Variants in EPHA5 observed in about 807,000 individuals in gnomAD.
EPHA5 encodes ephrin type-A receptor 5.
Under a neutral mutation model 105.0 loss-of-function variants are expected in EPHA5, and 60 were observed. The observed-to-expected ratio is 0.57, with a 90% CI of 0.46 to 0.71. The LOEUF is 0.71. EPHA5 is among the 30% of genes least tolerant of loss of function. The pLI is 0.00. For missense variants in EPHA5, 1,218 were observed against 1,274.7 expected (o/e 0.96, Z 0.68); for synonymous variants, 513 against 449.1 (o/e 1.14, Z -1.80).
chr4:65,532,398 T>C (rs896241373), intron 3 of EPHA5, among the ~76,000 whole-genome samples: 40 of 151,944 alleles, frequency 2.6e-4, no homozygotes, highest in Admixed American at 2.3e-3. Context: ...TAATCTCTAG[T>C]TCAGACACAT....
Position 65,321,398 on chromosome 4 carries a change from C to T in EPHA5, c.*2716G>A, listed in dbSNP as rs929427152. The stretch of plus-strand genomic sequence containing the variant: ...CTAGAGTTGGCTCCTCTCCTTGTTC[C>T]ATTTCTCACACTTGCAGATGAGATT... On this transcript the variant is annotated 3_prime_UTR_variant, in exon 17 of 17. Transcript: ENST00000613740. 3.9e-5 allele frequency: 9 copies of T among 230,268 alleles called. No individual in the cohort carries two copies. The highest frequency in any genetic ancestry group is 7.7e-5 in the Non-Finnish European group (9 of 116,232). The allele number at this position is 230,268 out of a possible 1,614,324, so 14.3% of individuals were successfully genotyped here.
chr4:65,414,670 C>A (rs141128349), intron 6 of EPHA5, among the ~76,000 whole-genome samples: 6 of 152,062 alleles, frequency 3.9e-5, no homozygotes, highest in Non-Finnish European at 8.8e-5. Flanking sequence ...TCCACCCATC[C>A]GGAATACATG....
Position 65,601,954 on chromosome 4 carries a change from G to A in EPHA5, c.597C>T (p.Val199=), listed in dbSNP as rs2149439392. 1 of 1,614,060 alleles carries A rather than the reference G, an allele frequency of 6.2e-7. No homozygotes were observed. The highest frequency in any genetic ancestry group is 1.1e-5 in the South Asian group (1 of 91,068). ...GDRVMKLNTE[V]RDVGPLSKKG... ...TTTTGCTTAGAGGTCCTACATCTCTGACCTCTGTATTCAGTTTCATAACAC... is the reference window on the plus strand; with the variant it reads ...TTTTGCTTAGAGGTCCTACATCTCTAACCTCTGTATTCAGTTTCATAACAC... The change falls in exon 3 of 17, where the codon GTC becomes GTT. Residue 199 remains valine, a synonymous_variant. Coordinates refer to ENST00000613740, the MANE Select transcript of EPHA5 (RefSeq NM_001281766.3).
intron 2 of EPHA5, among the ~76,000 whole-genome samples, chr4:65,611,836 G>C (rs1313905475): frequency 1.3e-5 from 2 of 151,536 alleles, no homozygotes. Flanking sequence ...AATGTAAGTG[G>C]CTATATTGCC....
chr4:65,650,330 G>A (rs566457716), intron 1 of EPHA5, among the ~76,000 whole-genome samples: 33 of 150,808 alleles, frequency 2.2e-4, no homozygotes, highest in Non-Finnish European at 3.8e-4. Flanking sequence ...GGCAGATCAC[G>A]AGGTCAGGAG....
At chr4:65,620,498 A>G (rs1745621430) in intron 2 of EPHA5, among the ~76,000 whole-genome samples, 1 of 152,202 alleles carries the variant, frequency 6.6e-6, no homozygotes, top group African/African-American at 2.4e-5. Flanking sequence ...TGTATTTGAG[A>G]GAAGGGGGAA....
intron 8 of EPHA5, among the ~76,000 whole-genome samples, chr4:65,394,741 TA>T (rs1440352266): frequency 6.6e-6 from 1 of 152,168 alleles, no homozygotes; most frequent in African/African-American, 2.4e-5. Flanking sequence ...ATAAATTAGA[TA>T]AGATCTAGTA....
intron 14 of EPHA5, among the ~76,000 whole-genome samples, chr4:65,337,415 AC>A (rs1721288251): frequency 6.6e-6 from 1 of 151,660 alleles, no homozygotes; most frequent in Non-Finnish European, 1.5e-5. Context: ...CATTCTATCT[AC>A]CCTTCTACTT....
At chr4:65,479,959 C>T (rs1362573000) in intron 5 of EPHA5, among the ~76,000 whole-genome samples, 2 of 151,898 alleles carry the variant, frequency 1.3e-5, no homozygotes, top group Admixed American at 1.3e-4. Flanking sequence ...AAAGTAGGTA[C>T]ATAAGAAAAT....
chr4:65,396,299 G>T (rs895126286), intron 8 of EPHA5, among the ~76,000 whole-genome samples: 1 of 152,168 alleles, frequency 6.6e-6, no homozygotes. Flanking sequence ...AGGACTTAAG[G>T]CTAATTAAGG....
intron 5 of EPHA5, among the ~76,000 whole-genome samples, chr4:65,424,168 C>T (rs1724201289): frequency 6.6e-6 from 1 of 151,946 alleles, no homozygotes; most frequent in Non-Finnish European, 1.5e-5. Context: ...GTCTGTTTGA[C>T]TTATTGATAA....
chr4:65,552,209 C>T (rs1442520394), intron 3 of EPHA5, among the ~76,000 whole-genome samples: 1 of 152,212 alleles, frequency 6.6e-6, no homozygotes, highest in East Asian at 1.9e-4. Context: ...ATGTTTCCTA[C>T]TTCAGCATTG....
chr4:65,433,904 C>T (rs1006448900), intron 5 of EPHA5, among the ~76,000 whole-genome samples: 1 of 151,934 alleles, frequency 6.6e-6, no homozygotes, highest in Non-Finnish European at 1.5e-5. Flanking sequence ...ATTAGCAAGG[C>T]GTCGTGGCAG....
At chr4:65,419,768 G>T (rs901230608) in intron 6 of EPHA5, among the ~76,000 whole-genome samples, 1 of 152,104 alleles carries the variant, frequency 6.6e-6, no homozygotes, top group Non-Finnish European at 1.5e-5. Context: ...GCTTCCATCT[G>T]TATGACTCTT....
chr4:65,494,231 A>G (rs756663143), intron 4 of EPHA5, among the ~76,000 whole-genome samples: 12 of 152,226 alleles, frequency 7.9e-5, no homozygotes, highest in Non-Finnish European at 1.6e-4. Flanking sequence ...AAATCTGAAA[A>G]CATGTTTCAC....
chr4:65,412,979 T>C (rs1723053162), intron 7 of EPHA5, among the ~76,000 whole-genome samples: 1 of 152,124 alleles, frequency 6.6e-6, no homozygotes, highest in Non-Finnish European at 1.5e-5. Context: ...GTTCCCAGAG[T>C]TGGTAGACCA....
intron 11 of EPHA5, among the ~76,000 whole-genome samples, chr4:65,361,692 G>A (rs531981247): frequency 6.6e-6 from 1 of 151,700 alleles, no homozygotes; most frequent in Non-Finnish European, 1.5e-5. Flanking sequence ...AATCAATGTA[G>A]TTGGATGTTC....
At chr4:65,506,335 A>C (rs4599465) in intron 3 of EPHA5, among the ~76,000 whole-genome samples, 137,924 of 147,410 alleles carry the variant, frequency 0.94, 64,853 homozygotes, top group Middle Eastern at 0.99. Context: ...TTTATTGCAG[A>C]ATGATTTATA....
intron 3 of EPHA5, among the ~76,000 whole-genome samples, chr4:65,504,592 A>G (rs1174220040): frequency 6.6e-6 from 1 of 151,924 alleles, no homozygotes; most frequent in Admixed American, 6.6e-5. Flanking sequence ...TTCTGTAGTG[A>G]TGTGATGGTG....
Sources: allele counts gnomAD v4.1 joint callset (sites outside exome capture counted in the v4.1 genomes callset), GRCh38; gene constraint gnomAD v4.1.1; transcripts MANE v1.5; gene names NCBI Gene and HGNC (gene_info 2026-07-23, HGNC 2026-07-21).